ARID4A: variants seen among roughly 807,000 people sequenced by gnomAD.
The protein encoded by ARID4A is AT-rich interactive domain-containing protein 4A.
Under a neutral mutation model 148.6 loss-of-function variants are expected in ARID4A, and 39 were observed. That is an observed-to-expected ratio of 0.26 (90% confidence interval 0.20 to 0.34). The LOEUF is 0.34. Among genes scored for constraint, ARID4A ranks in the 10% least tolerant of loss-of-function variants. The pLI, the probability that ARID4A is intolerant of heterozygous loss-of-function variation, is 1.00. For missense variants in ARID4A, 1,265 were observed against 1,449.1 expected (o/e 0.87, Z 2.06); for synonymous variants, 475 against 481.2 (o/e 0.99, Z 0.17).
chr14:58,339,691 A>G (rs570135561), intron 11 of ARID4A, among the ~76,000 whole-genome samples: 1 of 152,298 alleles, frequency 6.6e-6, no homozygotes, highest in South Asian at 2.1e-4. Flanking sequence ...ACGTTGTCAT[A>G]AAGAACTTTG....
Position 58,351,034 on chromosome 14 carries a change from T to C in ARID4A, c.1405-39T>C, listed in dbSNP as rs375272040. The C allele has an allele frequency of 1.5e-5, 24 of 1,551,538 alleles. No homozygotes were observed. The African/African-American group carries it at 2.8e-4, about 18-fold the overall frequency. On this transcript the variant is annotated intron_variant, in intron 15 of 23. Transcript: ENST00000355431. Reference sequence around the variant, plus strand: ...TTTTTTCCTGCTTTTTTCCCCTTTATAGTGATAGCTATTTTAAAGCTTTTA... The same window carrying C: ...TTTTTTCCTGCTTTTTTCCCCTTTACAGTGATAGCTATTTTAAAGCTTTTA...
At position 58,368,249 on chromosome 14, in the gene ARID4A, T is replaced by C. The variant is rs1479192522; in HGVS notation, c.3670+1220T>C. 3.3e-5 allele frequency among the ~76,000 whole-genome samples: 5 copies of C among 152,190 alleles called. No individual in the cohort carries two copies. In the East Asian group the frequency reaches 9.6e-4, roughly 29 times the overall value. ...GTCCCTCTTCTAACTCAAGGCCTAA[T>C]CCTCTTGGCTTCCTGAAAGCTGGCA... On this transcript the variant is annotated intron_variant, in intron 23 of 23. Coordinates refer to ENST00000355431, the MANE Select transcript of ARID4A (RefSeq NM_002892.4).
At chr14:58,369,119 A>G (rs1186122640) in intron 23 of ARID4A, among the ~76,000 whole-genome samples, 1 of 152,240 alleles carries the variant, frequency 6.6e-6, no homozygotes, top group Non-Finnish European at 1.5e-5. Flanking sequence ...AGAAGAAATA[A>G]GAGAAATATG....
Position 58,364,381 on chromosome 14 carries a change from G to C in ARID4A, c.2292G>C (p.Glu764Asp). The C allele has an allele frequency of 6.2e-7, 1 of 1,604,080 alleles. No homozygotes were observed. The highest frequency in any genetic ancestry group is 1.1e-5 in the South Asian group (1 of 87,588). Residue 764 changes from glutamate to aspartate, a missense_variant, in exon 20 of 24, where the codon GAG becomes GAC. Glu to Asp is a conservative substitution (Grantham distance 45). Around this residue, in one of 9 missense-constraint regions of ARID4A, gnomAD observed 666 missense variants for 730.9 expected, o/e 0.91. Transcript: ENST00000355431. ...AAACCCTGAAGTTAGAAGTTGGAGAGAATGAACAAATAGTACAGATTTTTG... is the reference window on the plus strand; with the variant it reads ...AAACCCTGAAGTTAGAAGTTGGAGACAATGAACAAATAGTACAGATTTTTG... ...PLETLKLEVG[E>D]NEQIVQIFGN...
chr14:58,299,541 C>G, intron 1 of ARID4A: 2 of 489,566 alleles, frequency 4.1e-6, no homozygotes, highest in South Asian at 4.5e-5. Flanking sequence ...TTGAGCATTC[C>G]GGGTCAAAGT....
rs763376698 is a variant in ARID4A, at chr14:58,328,331, C to T, written c.662+15C>T. 140 of 1,525,280 alleles carry T rather than the reference C, an allele frequency of 9.2e-5. No individual in the cohort carries two copies. The highest frequency in any genetic ancestry group is 1.2e-4 in the Non-Finnish European group (132 of 1,102,874). 94.5% of individuals were successfully genotyped at this position (1,525,280 alleles called of 1,614,324 possible). ...GATTCTAAATTGTGAGTAATGAATC[C>T]TTTAATGATGTTACGTGGGAGGAAA... On this transcript the variant is annotated intron_variant, in intron 9 of 23. Coordinates refer to ENST00000355431, the MANE Select transcript of ARID4A (RefSeq NM_002892.4).
At chr14:58,315,089 A>C (rs2032319041) in intron 5 of ARID4A, among the ~76,000 whole-genome samples, 1 of 152,202 alleles carries the variant, frequency 6.6e-6, no homozygotes, top group South Asian at 2.1e-4. Context: ...ACTACACTCC[A>C]GCCTGGGTGA....
At chr14:58,351,432 C>G (rs1488551097) in intron 16 of ARID4A, 109 bp downstream of exon 16, 2 of 1,397,456 alleles carry the variant, frequency 1.4e-6, no homozygotes, top group South Asian at 1.4e-5. Context: ...TTGGGACTTC[C>G]GTTCCTCTTG....
intron 2 of ARID4A, among the ~76,000 whole-genome samples, chr14:58,300,163 T>A (rs2031023222): frequency 6.6e-6 from 1 of 152,224 alleles, no homozygotes; most frequent in African/African-American, 2.4e-5. Flanking sequence ...AAAGCTTTTG[T>A]CCTGCTTTGG....
At position 58,365,501 on chromosome 14, in the gene ARID4A, C is replaced by G; in HGVS notation, c.3212-17C>G. 6 of 429,396 alleles carry G rather than the reference C, an allele frequency of 1.4e-5. No homozygotes were observed. The highest frequency in any genetic ancestry group is 2.2e-5 in the Non-Finnish European group (6 of 267,078). 26.6% of individuals were successfully genotyped at this position (429,396 alleles called of 1,614,324 possible). On this transcript the variant is annotated splice_polypyrimidine_tract_variant and intron_variant, in intron 20 of 23. Transcript: ENST00000355431. ...TTTTTTTTTTTTTTCAACATTCTCTCTTTCCCCTTATTTCAGGTCAGAAGA... is the reference window on the plus strand; with the variant it reads ...TTTTTTTTTTTTTTCAACATTCTCTGTTTCCCCTTATTTCAGGTCAGAAGA...
intron 11 of ARID4A, among the ~76,000 whole-genome samples, chr14:58,342,985 C>T (rs2034186482): frequency 6.6e-6 from 1 of 151,992 alleles, no homozygotes; most frequent in Non-Finnish European, 1.5e-5. Context: ...ACAGGCAAAG[C>T]ATAGAGCCAG....
At chr14:58,353,394 T>G (rs2034723988) in intron 16 of ARID4A, 1 of 307,662 alleles carries the variant, frequency 3.3e-6, no homozygotes, top group Admixed American at 4.8e-5. Context: ...AGTGACTTAT[T>G]TTATTACAGA....
intron 17 of ARID4A, among the ~76,000 whole-genome samples, chr14:58,356,729 G>GTCTTGC (rs1347109680): frequency 6.8e-4 from 98 of 144,384 alleles, no homozygotes; most frequent in African/African-American, 2.5e-3. Context: ...TTAAGACGGA[G>GTCTTGC]TCTTGCTCTG....
At chr14:58,353,289 A>G (rs1389480813) in intron 16 of ARID4A, among the ~76,000 whole-genome samples, 5 of 152,094 alleles carry the variant, frequency 3.3e-5, no homozygotes, top group Non-Finnish European at 7.4e-5. Flanking sequence ...TGTTTTGTCA[A>G]AAGTGATTGA....
intron 7 of ARID4A, among the ~76,000 whole-genome samples, chr14:58,319,292 C>T (rs2032689122): frequency 6.6e-6 from 1 of 151,496 alleles, no homozygotes; most frequent in South Asian, 2.1e-4. Context: ...TGGTCTCGAA[C>T]TCCTGACCTC....
chr14:58,357,807 A>G (rs1344692392), intron 17 of ARID4A, among the ~76,000 whole-genome samples: 2 of 152,146 alleles, frequency 1.3e-5, no homozygotes, highest in Non-Finnish European at 2.9e-5. Context: ...AAATACTTGT[A>G]TATTTAGATA....
rs1384685524 is a variant in ARID4A at position 58,329,952 on chromosome 14, T to A, written c.740-51T>A. 1.9e-6 allele frequency: 3 copies of A among 1,561,024 alleles called. No individual in the cohort carries two copies. The South Asian group carries it at 3.7e-5, about 19-fold the overall frequency. The stretch of plus-strand genomic sequence containing the variant: ...TCTGAATGCCATGCCTTTTCTATTG[T>A]TCTATGCTGCCAATTCCATAGCAAC... On this transcript the variant is annotated intron_variant, in intron 10 of 23. Transcript: ENST00000355431.
At chr14:58,308,732 T>G (rs535759627) in intron 5 of ARID4A, among the ~76,000 whole-genome samples, 1 of 152,340 alleles carries the variant, frequency 6.6e-6, no homozygotes, top group African/African-American at 2.4e-5. Context: ...ACCTACCTAT[T>G]AGGTGTAATT....
At chr14:58,319,289 G>A (rs975807254) in intron 7 of ARID4A, among the ~76,000 whole-genome samples, 9 of 150,614 alleles carry the variant, frequency 6.0e-5, no homozygotes, top group Non-Finnish European at 7.4e-5. Context: ...GGCTGGTCTC[G>A]AACTCCTGAC....
Sources: gnomAD v4.1 joint callset for allele counts (sites outside exome capture counted in the v4.1 genomes callset) on GRCh38, gnomAD v4.1.1 for gene constraint, gnomAD v4.1.1 regional missense constraint, MANE v1.5 for transcripts, NCBI Gene and HGNC (gene_info 2026-07-23, HGNC 2026-07-21) for gene names.